The following TBC1D8 variants were observed in gnomAD, a reference collection of about 807,000 sequenced individuals.
TBC1D8 encodes TBC1 domain family member 8.
In TBC1D8, 65 loss-of-function variants were observed where a neutral mutation model predicts 118.8. The observed-to-expected ratio is 0.55, with a 90% CI of 0.45 to 0.67. The LOEUF (loss-of-function observed/expected upper bound fraction) is 0.67. TBC1D8 is among the 30% of genes least tolerant of loss of function. The pLI is 0.00. For missense variants in TBC1D8, 1,376 were observed against 1,471.2 expected (o/e 0.94, Z 1.06); for synonymous variants, 566 against 595.8 (o/e 0.95, Z 0.73).
intron 1 of TBC1D8, among the ~76,000 whole-genome samples, chr2:101,096,615 A>C (rs1028741210): frequency 6.6e-6 from 1 of 152,096 alleles, no homozygotes; most frequent in African/African-American, 2.4e-5. Flanking sequence ...AAACAGAGAG[A>C]TGGAAACTCT....
chr2:101,019,758 T>C (rs1243817542), intron 17 of TBC1D8: 1 of 152,170 alleles, frequency 6.6e-6, no homozygotes, highest in Non-Finnish European at 1.5e-5. Context: ...TGGAAACAAG[T>C]AGTAATTCAT....
intron 1 of TBC1D8, among the ~76,000 whole-genome samples, chr2:101,102,061 G>T (rs2105469951): frequency 6.7e-6 from 1 of 148,888 alleles, no homozygotes; most frequent in East Asian, 2.0e-4. Context: ...AGGAGGGGAG[G>T]GAAGGGGAGG....
At chr2:101,033,302 A>G (rs1241036719) in intron 10 of TBC1D8, 1 of 563,026 alleles carries the variant, frequency 1.8e-6, no homozygotes, top group Admixed American at 2.6e-5. Context: ...TTTTTAGTAG[A>G]TGGGGTTTCA....
At chr2:101,132,926 A>C (rs1678657486) in intron 1 of TBC1D8, among the ~76,000 whole-genome samples, 1 of 151,882 alleles carries the variant, frequency 6.6e-6, no homozygotes, top group African/African-American at 2.4e-5. Flanking sequence ...ATATTCTTAT[A>C]TCTGCAATAC....
chr2:101,123,522 C>T (rs758948405), intron 1 of TBC1D8, among the ~76,000 whole-genome samples: 8 of 152,128 alleles, frequency 5.3e-5, no homozygotes, highest in African/African-American at 1.7e-4. Context: ...CCAGTGTGCA[C>T]GGCTAAGTCA....
chr2:101,023,748 A>G (rs1463457100), intron 15 of TBC1D8: 1 of 319,130 alleles, frequency 3.1e-6, no homozygotes, highest in African/African-American at 2.3e-5. Flanking sequence ...AAATGACTAC[A>G]TCATCTCTTT....
chr2:101,058,409 G>A (rs1012587524), intron 3 of TBC1D8, among the ~76,000 whole-genome samples: 2 of 152,142 alleles, frequency 1.3e-5, no homozygotes, highest in African/African-American at 2.4e-5. Flanking sequence ...CAAAATCGAA[G>A]GGCTAGGAGG....
At chr2:101,061,093 C>A (rs1682724651) in intron 2 of TBC1D8, among the ~76,000 whole-genome samples, 1 of 146,238 alleles carries the variant, frequency 6.8e-6, no homozygotes, top group African/African-American at 2.5e-5. Context: ...GAGGCTGGGT[C>A]AGGAGAATCT....
At chr2:101,147,711 CTT>C (rs1242370290) in intron 1 of TBC1D8, among the ~76,000 whole-genome samples, 1 of 151,934 alleles carries the variant, frequency 6.6e-6, no homozygotes, top group Non-Finnish European at 1.5e-5. Flanking sequence ...TTTTTTTGCT[CTT>C]GAGCTATTTA....
chr2:101,032,236 G>T, intron 11 of TBC1D8, 32 bp downstream of exon 11: 3 of 1,589,424 alleles, frequency 1.9e-6, no homozygotes, highest in Non-Finnish European at 2.6e-6. Flanking sequence ...CTCTTCCCCA[G>T]ATACACAGGA....
intron 17 of TBC1D8, among the ~76,000 whole-genome samples, chr2:101,012,625 C>CA (rs71378138): frequency 0.017 from 2,354 of 134,986 alleles, 49 homozygotes; most frequent in African/African-American, 0.051. Flanking sequence ...TCTGAATATA[C>CA]AAAAAAAAAA....
At chr2:101,059,952 T>C (rs981267583) in intron 2 of TBC1D8, among the ~76,000 whole-genome samples, 1 of 151,392 alleles carries the variant, frequency 6.6e-6, no homozygotes, top group African/African-American at 2.4e-5. Context: ...AAAAAAAAAA[T>C]CTTGCCTCTC....
intron 1 of TBC1D8, among the ~76,000 whole-genome samples, chr2:101,099,134 G>C (rs1011671565): frequency 6.6e-6 from 1 of 150,838 alleles, no homozygotes; most frequent in Admixed American, 6.6e-5. Flanking sequence ...ATAAAGAAGA[G>C]AGAGAAGAAT....
chr2:101,150,330 T>C (rs1382037433), intron 1 of TBC1D8, among the ~76,000 whole-genome samples: 2 of 151,996 alleles, frequency 1.3e-5, no homozygotes, highest in African/African-American at 2.4e-5. Flanking sequence ...GATTCCAAAA[T>C]TGGAAAGAAA....
intron 1 of TBC1D8, among the ~76,000 whole-genome samples, chr2:101,117,757 A>G (rs923201708): frequency 6.6e-6 from 1 of 150,682 alleles, no homozygotes. Flanking sequence ...TTGTATTTCT[A>G]GTAGAGATGG....
At position 101,028,116 on chromosome 2, in the gene TBC1D8, C is replaced by T. The variant is rs1307906741; in HGVS notation, c.2383G>A (p.Glu795Lys). 1.9e-6 allele frequency: 3 copies of T among 1,613,896 alleles called. No individual in the cohort carries two copies. Among genetic ancestry groups the T allele is most frequent in the Admixed American group, 1.7e-5 (1 of 60,014 alleles). ...ATCCTGTGCTTGTAACGTAGGTGCT[C>T]GATCTGCTCCACAGACTGGTCTCCA... The part of the protein sequence containing the change: ...KFGDQSVEQI[E>K]HLRYKHRIRV... Residue 795 changes from glutamate to lysine, a missense_variant, in exon 14 of 20, where the codon GAG becomes AAG. Coordinates refer to ENST00000409318, the MANE Select transcript of TBC1D8 (RefSeq NM_001330348.2).
At chr2:101,102,819 G>C (rs771255840) in intron 1 of TBC1D8, among the ~76,000 whole-genome samples, 2 of 151,964 alleles carry the variant, frequency 1.3e-5, no homozygotes, top group Non-Finnish European at 2.9e-5. Context: ...AAGGTGGGAA[G>C]ACTGCTTGAG....
At position 101,028,156 on chromosome 2, in the gene TBC1D8, A is replaced by G; in HGVS notation, c.2353-10T>C. On this transcript the variant is annotated splice_polypyrimidine_tract_variant and intron_variant, in intron 13 of 19. Coordinates refer to ENST00000409318, the MANE Select transcript of TBC1D8 (RefSeq NM_001330348.2). ...ACTGGTCTCCAAATTTCTGCAGGGA[A>G]AAAAGGGACCACTTGCTCAGTCCCC... The G allele has an allele frequency of 1.2e-6, 2 of 1,613,816 alleles. No homozygotes were observed. The highest frequency in any genetic ancestry group is 1.7e-6 in the Non-Finnish European group (2 of 1,179,862).
chr2:101,106,682 GA>G (rs1171222790), intron 1 of TBC1D8, among the ~76,000 whole-genome samples: 1 of 152,198 alleles, frequency 6.6e-6, no homozygotes, highest in Non-Finnish European at 1.5e-5. Flanking sequence ...ACATTCGGTA[GA>G]AACCATCCTT....
Sources: allele counts gnomAD v4.1 joint callset (sites outside exome capture counted in the v4.1 genomes callset), GRCh38; gene constraint gnomAD v4.1.1; transcripts MANE v1.5; gene names NCBI Gene and HGNC (gene_info 2026-07-23, HGNC 2026-07-21).